GSE1: variants seen among roughly 807,000 people sequenced by gnomAD.
The protein encoded by GSE1 is genetic suppressor element 1.
In GSE1, 32 loss-of-function variants were observed where a neutral mutation model predicts 112.6. That is an observed-to-expected ratio of 0.28 (90% CI 0.21 to 0.38). The LOEUF (loss-of-function observed/expected upper bound fraction) is 0.38, where lower values mean the gene tolerates loss of function less well. GSE1 is among the 10% of genes least tolerant of loss of function. The pLI is 1.00. For synonymous variants in GSE1, 1,115 were observed against 735.6 expected (o/e 1.52, Z -8.35); for missense variants, 2,348 against 1,699.2 (o/e 1.38, Z -6.71).
chr16:85,488,263 T>C (rs893700852), intron 2 of GSE1, among the ~76,000 whole-genome samples: 1 of 152,156 alleles, frequency 6.6e-6, no homozygotes, highest in African/African-American at 2.4e-5. Flanking sequence ...CTCGTCCTCT[T>C]GCAGTCTTTT....
chr16:85,660,851 C>CA (rs2052369681), intron 8 of GSE1, among the ~76,000 whole-genome samples: 1 of 152,058 alleles, frequency 6.6e-6, no homozygotes, highest in Admixed American at 6.5e-5. Flanking sequence ...AGGCTGGTCT[C>CA]AAACTGCTGA....
intron 2 of GSE1, among the ~76,000 whole-genome samples, chr16:85,364,448 C>T (rs2047145114): frequency 6.6e-6 from 1 of 152,222 alleles, no homozygotes. Context: ...ATGTAGACAT[C>T]TTTTGAGTCC....
intron 2 of GSE1, among the ~76,000 whole-genome samples, chr16:85,444,723 C>T (rs1256137613): frequency 6.6e-6 from 1 of 152,148 alleles, no homozygotes; most frequent in African/African-American, 2.4e-5. Flanking sequence ...GCTAGAAAAG[C>T]TGCCTCCTGT....
At chr16:85,382,765 A>G (rs2047577427) in intron 2 of GSE1, among the ~76,000 whole-genome samples, 2 of 151,396 alleles carry the variant, frequency 1.3e-5, no homozygotes, top group Non-Finnish European at 2.9e-5. Flanking sequence ...ACACACATGT[A>G]TGCACACCCA....
chr16:85,538,178 C>G (rs1026328872), intron 2 of GSE1, among the ~76,000 whole-genome samples: 1 of 152,208 alleles, frequency 6.6e-6, no homozygotes, highest in South Asian at 2.1e-4. Context: ...GCCGGGCCAC[C>G]CTAGAGCCAC....
At chr16:85,436,649 G>A (rs2049253243) in intron 2 of GSE1, among the ~76,000 whole-genome samples, 1 of 152,238 alleles carries the variant, frequency 6.6e-6, no homozygotes, top group Admixed American at 6.5e-5. Flanking sequence ...GTCCCGGGAG[G>A]CAGCTCTAGC....
chr16:85,505,213 G>A (rs937824160), intron 2 of GSE1, among the ~76,000 whole-genome samples: 11 of 152,194 alleles, frequency 7.2e-5, no homozygotes, highest in African/African-American at 2.7e-4. Context: ...CAGGGTGATA[G>A]GGTGATGAGC....
chr16:85,456,776 G>A (rs1597810094), intron 2 of GSE1, among the ~76,000 whole-genome samples: 2 of 152,102 alleles, frequency 1.3e-5, no homozygotes, highest in Non-Finnish European at 2.9e-5. Flanking sequence ...GGAGGCTGCT[G>A]TGGCGACTCA....
chr16:85,382,983 A>G (rs144417878), intron 2 of GSE1, among the ~76,000 whole-genome samples: 1 of 118,132 alleles, frequency 8.5e-6, no homozygotes, highest in African/African-American at 4.7e-5. Flanking sequence ...GCTCACACGC[A>G]CACATGTGCA....
chr16:85,235,589 C>T (rs1904545171), intron 1 of GSE1, among the ~76,000 whole-genome samples: 2 of 142,870 alleles, frequency 1.4e-5, no homozygotes, highest in Admixed American at 1.4e-4. Context: ...GGGGGGGGCG[C>T]GTGTTCTCGC....
chr16:85,503,907 C>T (rs1334635991), intron 2 of GSE1, among the ~76,000 whole-genome samples: 4 of 152,312 alleles, frequency 2.6e-5, no homozygotes, highest in South Asian at 2.1e-4. Flanking sequence ...AATTCGCCGG[C>T]GCTTAATTAG....
At chr16:85,627,761 G>C (rs754094589) in intron 1 of GSE1, among the ~76,000 whole-genome samples, 1 of 152,100 alleles carries the variant, frequency 6.6e-6, no homozygotes, top group Non-Finnish European at 1.5e-5. Context: ...TACATGAGCT[G>C]ATAATGTAGA....
intron 2 of GSE1, among the ~76,000 whole-genome samples, chr16:85,439,694 A>G (rs2049332143): frequency 6.6e-6 from 1 of 152,182 alleles, no homozygotes. Context: ...GTGCACACAC[A>G]TACATGCAAC....
Position 85,662,964 on chromosome 16 carries a change from A to G in GSE1, c.2261-17A>G. 1 of 1,519,984 alleles carries G rather than the reference A, an allele frequency of 6.6e-7. No individual in the cohort carries two copies. The highest frequency in any genetic ancestry group is 9.1e-7 in the Non-Finnish European group (1 of 1,096,074). 94.2% of individuals were successfully genotyped at this position (1,519,984 alleles called of 1,614,324 possible). A position where few individuals can be genotyped will look rare whatever the true frequency, so the allele number is the denominator to read the frequency against. On this transcript the variant is annotated splice_polypyrimidine_tract_variant and intron_variant, in intron 9 of 15. Coordinates refer to ENST00000253458, the MANE Select transcript of GSE1 (RefSeq NM_014615.5). ...GAAGGCTCTTTGTCTGGCTGAATACAACCATTTCTCCATCAGGGTACTACT... is the reference window on the plus strand; with the variant it reads ...GAAGGCTCTTTGTCTGGCTGAATACGACCATTTCTCCATCAGGGTACTACT...
intron 2 of GSE1, among the ~76,000 whole-genome samples, chr16:85,480,694 C>A (rs1023981621): frequency 1.4e-5 from 2 of 141,838 alleles, no homozygotes; most frequent in East Asian, 3.9e-4. Flanking sequence ...GTGTGGCGGG[C>A]GGCAGGGGTG....
intron 2 of GSE1, among the ~76,000 whole-genome samples, chr16:85,477,774 C>G (rs965107511): frequency 2.6e-5 from 4 of 151,934 alleles, no homozygotes; most frequent in African/African-American, 9.7e-5. Context: ...GCTGGCCAGG[C>G]TGGTCTCGAA....
Position 85,210,870 on chromosome 16 carries a change from G to A in GSE1, c.2283+39063G>A, listed in dbSNP as rs1023232434. Among the ~76,000 whole-genome samples, 3 of 152,202 alleles carry A rather than the reference G, an allele frequency of 2.0e-5. No individual in the cohort carries two copies. In the East Asian group the frequency reaches 5.8e-4, roughly 29 times the overall value. On this transcript the variant is annotated intron_variant, in intron 1 of 2. Coordinates refer to the GSE1 transcript ENST00000637419. ...CTGGCAGCAGGAGAGGAGCCACCTG[G>A]ACTCTTCTTCTGGCCAAGACCCAAG...
intron 2 of GSE1, chr16:85,359,333 C>G: frequency 4.4e-6 from 2 of 453,630 alleles, no homozygotes; most frequent in South Asian, 3.1e-5. Flanking sequence ...CACCGTTTCT[C>G]TCCCACAGCT....
At chr16:85,207,337 C>G (rs2075136330) in intron 1 of GSE1, among the ~76,000 whole-genome samples, 1 of 152,242 alleles carries the variant, frequency 6.6e-6, no homozygotes. Context: ...GCCGGCTCTG[C>G]TGTGCTGCAC....
Sources: allele counts gnomAD v4.1 joint callset (sites outside exome capture counted in the v4.1 genomes callset), GRCh38; gene constraint gnomAD v4.1.1; transcripts MANE v1.5; gene names NCBI Gene and HGNC (gene_info 2026-07-23, HGNC 2026-07-21).